Variants in NEXN observed in about 807,000 individuals in gnomAD.
NEXN encodes nexilin F-actin binding protein.
In NEXN, 65 loss-of-function variants were observed where a neutral mutation model predicts 92.6. The observed-to-expected ratio is 0.70, with a 90% CI of 0.57 to 0.86. NEXN has a LOEUF of 0.86. Among genes scored for constraint, NEXN ranks in the 40% least tolerant of loss-of-function variants. The pLI is 0.00. For synonymous variants in NEXN, 254 were observed against 242.5 expected (o/e 1.05, Z -0.44); for missense variants, 778 against 771.1 (o/e 1.01, Z -0.11).
At chr1:77,909,798 T>C (rs1206129749) in intron 1 of NEXN, among the ~76,000 whole-genome samples, 1 of 152,152 alleles carries the variant, frequency 6.6e-6, no homozygotes, top group Non-Finnish European at 1.5e-5. Flanking sequence ...AAAATAATAC[T>C]AAATCCTACA....
chr1:77,915,769 G>A (rs933161575), intron 1 of NEXN, among the ~76,000 whole-genome samples: 16 of 152,180 alleles, frequency 1.1e-4, no homozygotes, highest in Non-Finnish European at 2.1e-4. Context: ...TATTTATAGA[G>A]TAATACACTC....
chr1:77,898,130 T>C (rs997417534), intron 1 of NEXN, among the ~76,000 whole-genome samples: 1 of 152,182 alleles, frequency 6.6e-6, no homozygotes, highest in Non-Finnish European at 1.5e-5. Flanking sequence ...AAGCTACCAA[T>C]GACTTTCTTC....
chr1:77,924,647 A>T (rs556120463), intron 5 of NEXN, among the ~76,000 whole-genome samples: 16 of 128,386 alleles, frequency 1.2e-4, no homozygotes, highest in Non-Finnish European at 2.3e-4. Context: ...GCTTTATCTT[A>T]ATTTTTTCTG....
At chr1:77,940,145 G>T (rs966340703) in intron 11 of NEXN, among the ~76,000 whole-genome samples, 3 of 152,118 alleles carry the variant, frequency 2.0e-5, no homozygotes, top group Non-Finnish European at 4.4e-5. Context: ...CCTAATCAAA[G>T]AATTCCATCC....
chr1:77,907,989 C>T (rs867306044), intron 1 of NEXN, among the ~76,000 whole-genome samples: 3 of 152,144 alleles, frequency 2.0e-5, no homozygotes, highest in Non-Finnish European at 4.4e-5. Flanking sequence ...TTACTCATGC[C>T]TGTAATCCCA....
At chr1:77,910,850 C>A (rs1648524060) in intron 1 of NEXN, among the ~76,000 whole-genome samples, 1 of 149,000 alleles carries the variant, frequency 6.7e-6, no homozygotes, top group Non-Finnish European at 1.5e-5. Context: ...AATTTTTTTT[C>A]TTTTAGAAAT....
rs1341434024 is a variant in NEXN, at chr1:77,943,004, G to A, written c.*175G>A. The A allele has an allele frequency of 1.6e-5, 13 of 800,804 alleles. No individual in the cohort carries two copies. Among genetic ancestry groups the A allele is most frequent in the Non-Finnish European group, 2.5e-5 (12 of 480,586 alleles). 49.6% of individuals were successfully genotyped at this position (800,804 alleles called of 1,614,324 possible). ...GTGGCGGGGCCAAAAAAGGAAACCAGGAGTGCCACTATGCTGACTTCTTAT... is the reference window on the plus strand; with the variant it reads ...GTGGCGGGGCCAAAAAAGGAAACCAAGAGTGCCACTATGCTGACTTCTTAT... On this transcript the variant is annotated 3_prime_UTR_variant, in exon 13 of 13. Transcript: ENST00000334785.
Position 77,942,214 on chromosome 1 carries a change from A to T in NEXN, c.1659+6A>T. 1.9e-6 allele frequency: 3 copies of T among 1,612,250 alleles called. No individual in the cohort carries two copies. The highest frequency in any genetic ancestry group is 2.5e-6 in the Non-Finnish European group (3 of 1,178,402). On this transcript the variant is annotated splice_donor_region_variant and intron_variant, in intron 12 of 12. Transcript: ENST00000334785. Reference sequence around the variant, plus strand: ...TTGATGCAGCACTACAAAAGGTACCAGGCTTATGTATCCTTTATTTTCCAA... The same window carrying T: ...TTGATGCAGCACTACAAAAGGTACCTGGCTTATGTATCCTTTATTTTCCAA...
At chr1:77,936,066 C>T (rs1443684380) in intron 11 of NEXN, 22 bp downstream of exon 11, 1 of 1,493,878 alleles carries the variant, frequency 6.7e-7, no homozygotes. Flanking sequence ...TTATATTTAA[C>T]ATAGTTATGG....
chr1:77,939,163 T>C (rs1651044588), intron 11 of NEXN, among the ~76,000 whole-genome samples: 1 of 152,156 alleles, frequency 6.6e-6, no homozygotes, highest in Admixed American at 6.5e-5. Flanking sequence ...GGGTTATAGG[T>C]TGCTTTTTGG....
At chr1:77,891,270 A>G (rs1288778769) in intron 1 of NEXN, among the ~76,000 whole-genome samples, 1 of 152,152 alleles carries the variant, frequency 6.6e-6, no homozygotes, top group Non-Finnish European at 1.5e-5. Flanking sequence ...AGAATGGAAA[A>G]AGGGGCTCTT....
Position 77,942,835 on chromosome 1 carries a change from CTTTT to C in NEXN, c.*8_*11del. 3 of 1,595,832 alleles carry C rather than the reference CTTTT, an allele frequency of 1.9e-6. No homozygotes were observed. Among genetic ancestry groups the C allele is most frequent in the Non-Finnish European group, 2.6e-6 (3 of 1,167,744 alleles). On this transcript the variant is annotated 3_prime_UTR_variant, in exon 13 of 13. Transcript: ENST00000334785. ...CCATTGAAAGTAAGAATTAATCACT[CTTTT>C]TATCTTTTATTCTATTAATTTTTTT...
In NEXN at chr1:77,918,284, A is replaced by C; in HGVS notation, c.447+11A>C. Reference sequence around the variant, plus strand: ...AAAAGGGCTGAACAGGTATCACTGAAGATTAAGTTCGTATTTGTTTCTGAA... The same window carrying C: ...AAAAGGGCTGAACAGGTATCACTGACGATTAAGTTCGTATTTGTTTCTGAA... On this transcript the variant is annotated intron_variant, in intron 5 of 12. Coordinates refer to ENST00000334785, the MANE Select transcript of NEXN (RefSeq NM_144573.4). 6.2e-7 allele frequency: 1 copy of C among 1,613,806 alleles called. No individual in the cohort carries two copies. Among genetic ancestry groups the C allele is most frequent in the Non-Finnish European group, 8.5e-7 (1 of 1,179,712 alleles).
Position 77,943,010 on chromosome 1 carries a change from C to A in NEXN, c.*181C>A. The A allele has an allele frequency of 1.3e-6, 1 of 746,904 alleles. No individual in the cohort carries two copies. The highest frequency in any genetic ancestry group is 2.3e-6 in the Non-Finnish European group (1 of 435,202). The allele number at this position is 746,904 out of a possible 1,614,324, so 46.3% of individuals were successfully genotyped here. A position where few individuals can be genotyped will look rare whatever the true frequency, so the allele number is the denominator to read the frequency against. The stretch of plus-strand genomic sequence containing the variant: ...GGGCCAAAAAAGGAAACCAGGAGTG[C>A]CACTATGCTGACTTCTTATTCCTTT... On this transcript the variant is annotated 3_prime_UTR_variant, in exon 13 of 13. Transcript: ENST00000334785.
intron 10 of NEXN, among the ~76,000 whole-genome samples, chr1:77,934,011 A>ATTTTTTTT (rs71075780): frequency 0.11 from 12,996 of 114,002 alleles, 1,611 homozygotes; most frequent in African/African-American, 0.26. Context: ...CTAATTTTTA[A>ATTTTTTTT]TTTTTTTTTT....
Position 77,942,577 on chromosome 1 carries a change from A to T in NEXN, c.1776A>T (p.Ser592=), listed in dbSNP as rs1651465063. Residue 592 remains serine, a synonymous_variant, in exon 13 of 13, where the codon TCA becomes TCT. Coordinates refer to ENST00000334785, the MANE Select transcript of NEXN (RefSeq NM_144573.4). ...PWFKKPLKNT[S]VVDSEPVRFT... ...TCAAGAAGCCTCTTAAAAACACATC[A>T]GTTGTAGACAGTGAGCCAGTCAGAT... is the stretch of plus-strand genomic sequence containing the variant. 1.2e-6 allele frequency: 2 copies of T among 1,613,904 alleles called. No homozygotes were observed. Among genetic ancestry groups the T allele is most frequent in the East Asian group, 4.5e-5 (2 of 44,862 alleles).
intron 1 of NEXN, among the ~76,000 whole-genome samples, chr1:77,898,147 T>C (rs955842567): frequency 1.1e-4 from 16 of 152,230 alleles, no homozygotes; most frequent in African/African-American, 2.9e-4. Context: ...CTTCACGGAA[T>C]TGGAAAAAAC....
chr1:77,895,665 A>G (rs1388490410), intron 1 of NEXN, among the ~76,000 whole-genome samples: 1 of 152,040 alleles, frequency 6.6e-6, no homozygotes, highest in Non-Finnish European at 1.5e-5. Context: ...GGAGTTAGAG[A>G]TCAGTCTGGT....
At chr1:77,919,415 T>C (rs1338622400) in intron 5 of NEXN, among the ~76,000 whole-genome samples, 1 of 152,182 alleles carries the variant, frequency 6.6e-6, no homozygotes, top group Non-Finnish European at 1.5e-5. Context: ...AAAGTGACGA[T>C]GAAAGCAAAG....
Sources: gnomAD v4.1 joint callset for allele counts (sites outside exome capture counted in the v4.1 genomes callset) on GRCh38, gnomAD v4.1.1 for gene constraint, MANE v1.5 for transcripts, NCBI Gene and HGNC (gene_info 2026-07-23, HGNC 2026-07-21) for gene names.